Variants in MARCHF10 observed in about 807,000 individuals in gnomAD.
MARCHF10 encodes the protein membrane associated ring-CH-type finger 10.
Under a neutral mutation model 76.2 loss-of-function variants are expected in MARCHF10, and 64 were observed. The ratio of observed to expected loss-of-function variants is 0.84; its 90% CI spans 0.69 to 1.03. The LOEUF is 1.03. Ranked by LOEUF, MARCHF10 falls within the 50% of genes least tolerant of loss-of-function variation. MARCHF10 has a pLI of 0.00. For missense variants in MARCHF10, 875 were observed against 958.0 expected, an observed-to-expected ratio of 0.91 and a Z score of 1.14; for synonymous variants, 340 against 357.5, an observed-to-expected ratio of 0.95 and a Z score of 0.55.
intron 8 of MARCHF10, among the ~76,000 whole-genome samples, chr17:62,714,196 G>A (rs899350491): frequency 3.9e-5 from 6 of 152,334 alleles, no homozygotes; most frequent in Middle Eastern, 3.4e-3. Flanking sequence ...GATGGCAGGG[G>A]TGTGTTCCAA....
Position 62,723,857 on chromosome 17 carries a change from C to A in MARCHF10, c.2104+1081G>T, listed in dbSNP as rs2090621370. On this transcript the variant is annotated intron_variant, in intron 7 of 10. Transcript: ENST00000311269. ...CTCGTTATATGGATATGCGTTTAAG[C>A]ATCTTGATCAGTGGACTTATATTTC... is the stretch of plus-strand genomic sequence containing the variant. 1.3e-5 allele frequency among the ~76,000 whole-genome samples: 2 copies of A among 152,116 alleles called. 1 individual carries two copies. Among genetic ancestry groups the A allele is most frequent in the South Asian group, 4.1e-4 (2 of 4,828 alleles).
At chr17:62,778,274 A>G (rs1212001276) in intron 3 of MARCHF10, among the ~76,000 whole-genome samples, 5 of 152,158 alleles carry the variant, frequency 3.3e-5, no homozygotes, top group Non-Finnish European at 5.9e-5. Context: ...GGTCAGGCAC[A>G]CAAGGGCCTT....
At chr17:62,770,984 T>C (rs1454637110) in intron 3 of MARCHF10, among the ~76,000 whole-genome samples, 1 of 150,518 alleles carries the variant, frequency 6.6e-6, no homozygotes, top group African/African-American at 2.4e-5. Context: ...GCCTGACTAG[T>C]AGCTGGGACT....
At chr17:62,798,249 G>A (rs1363662959) in intron 2 of MARCHF10, among the ~76,000 whole-genome samples, 3 of 152,060 alleles carry the variant, frequency 2.0e-5, no homozygotes, top group Non-Finnish European at 2.9e-5. Context: ...TTGAGAGCCA[G>A]GGAGATGAAG....
chr17:62,768,632 T>A (rs1191329626), intron 3 of MARCHF10, among the ~76,000 whole-genome samples: 1 of 152,216 alleles, frequency 6.6e-6, no homozygotes, highest in Non-Finnish European at 1.5e-5. Flanking sequence ...ACGGAGAAAT[T>A]GAAAGAATAG....
chr17:62,789,958 G>A (rs1057506219), intron 2 of MARCHF10, among the ~76,000 whole-genome samples: 1 of 152,086 alleles, frequency 6.6e-6, no homozygotes, highest in African/African-American at 2.4e-5. Context: ...AATAATTTTA[G>A]TTGAATTGCA....
rs2091718356 is a variant in MARCHF10, at chr17:62,746,729, C to T, written c.383-2201G>A. ...CCAAGTCTAGAAGGTCAGGACCTGGCCCCAAGGTCCTGAGGATAAGAATTT... is the reference window on the plus strand; with the variant it reads ...CCAAGTCTAGAAGGTCAGGACCTGGTCCCAAGGTCCTGAGGATAAGAATTT... On this transcript the variant is annotated intron_variant, in intron 4 of 10. Coordinates refer to ENST00000311269, the MANE Select transcript of MARCHF10 (RefSeq NM_152598.4). The T allele has an allele frequency of 1.2e-5, 8 of 652,804 alleles. No individual in the cohort carries two copies. In the South Asian group the frequency reaches 1.6e-4, roughly 13 times the overall value. The allele number at this position is 652,804 out of a possible 1,614,324, so 40.4% of individuals were successfully genotyped here. A position where few individuals can be genotyped will look rare whatever the true frequency, so the allele number is the denominator to read the frequency against.
At chr17:62,769,615 T>C (rs2092403733) in intron 3 of MARCHF10, among the ~76,000 whole-genome samples, 1 of 152,164 alleles carries the variant, frequency 6.6e-6, no homozygotes, top group Non-Finnish European at 1.5e-5. Context: ...GGTTTCACCA[T>C]GTTGGGCAGG....
chr17:62,761,418 T>C (rs1033486911), intron 3 of MARCHF10, among the ~76,000 whole-genome samples: 37 of 152,088 alleles, frequency 2.4e-4, no homozygotes, highest in African/African-American at 8.5e-4. Flanking sequence ...GTCATTTCTT[T>C]TTTCTTTTTT....
intron 3 of MARCHF10, among the ~76,000 whole-genome samples, chr17:62,786,755 A>T (rs1424114257): frequency 6.6e-6 from 1 of 152,194 alleles, no homozygotes; most frequent in Non-Finnish European, 1.5e-5. Flanking sequence ...TTGTTCCATA[A>T]GCTTAAGTGT....
chr17:62,702,097 C>A (rs958373620), intron 10 of MARCHF10, among the ~76,000 whole-genome samples: 2 of 152,148 alleles, frequency 1.3e-5, no homozygotes, highest in African/African-American at 4.8e-5. Context: ...CCACTTGAAC[C>A]CCCGCTTCCT....
At chr17:62,744,635 G>A (rs1202991225) in intron 4 of MARCHF10, 107 bp from the exon 5 acceptor site, 24 of 1,259,444 alleles carry the variant, frequency 1.9e-5, no homozygotes, top group Non-Finnish European at 2.3e-5. Context: ...GGGTTAGGTG[G>A]AAGGGCAGTC....
intron 2 of MARCHF10, among the ~76,000 whole-genome samples, chr17:62,788,851 CAGG>C (rs2092790730): frequency 6.6e-6 from 1 of 151,518 alleles, no homozygotes; most frequent in African/African-American, 2.4e-5. Flanking sequence ...ATCATGAGGT[CAGG>C]AGATCAAGAC....
At chr17:62,795,356 C>CAAAAAAAAAAAAAAA (rs61564298) in intron 2 of MARCHF10, among the ~76,000 whole-genome samples, 4 of 52,936 alleles carry the variant, frequency 7.6e-5, no homozygotes, top group African/African-American at 2.1e-4. Flanking sequence ...ATCATTTGAT[C>CAAAAAAAAAAAAAAA]AAAAAAAAAA....
intron 8 of MARCHF10, among the ~76,000 whole-genome samples, chr17:62,721,134 G>A (rs1241085835): frequency 6.6e-6 from 1 of 152,156 alleles, no homozygotes; most frequent in African/African-American, 2.4e-5. Flanking sequence ...CTCCCAAAGT[G>A]CTGGGATTAG....
At chr17:62,766,496 G>T (rs142352655) in intron 3 of MARCHF10, among the ~76,000 whole-genome samples, 3 of 151,256 alleles carry the variant, frequency 2.0e-5, no homozygotes, top group African/African-American at 7.3e-5. Flanking sequence ...GCGAAACTCC[G>T]TCTCAAAAAA....
chr17:62,714,918 G>A (rs1337104413), intron 8 of MARCHF10, among the ~76,000 whole-genome samples: 1 of 152,090 alleles, frequency 6.6e-6, no homozygotes, highest in Non-Finnish European at 1.5e-5. Flanking sequence ...GCTAATTTTT[G>A]TATTTTTAGT....
At chr17:62,745,578 T>C (rs1157383910) in intron 4 of MARCHF10, among the ~76,000 whole-genome samples, 1 of 152,178 alleles carries the variant, frequency 6.6e-6, no homozygotes, top group Non-Finnish European at 1.5e-5. Context: ...CTCAGGTTTA[T>C]TAGCAAACAT....
chr17:62,740,221 G>C (rs2091458343), intron 5 of MARCHF10, among the ~76,000 whole-genome samples: 1 of 152,124 alleles, frequency 6.6e-6, no homozygotes, highest in African/African-American at 2.4e-5. Flanking sequence ...AGGCACACTG[G>C]TATGCCAGGG....
Sources: gnomAD v4.1 joint callset for allele counts (sites outside exome capture counted in the v4.1 genomes callset) on GRCh38, gnomAD v4.1.1 for gene constraint, MANE v1.5 for transcripts, NCBI Gene and HGNC (gene_info 2026-07-23, HGNC 2026-07-21) for gene names.